Variants in DYM observed in about 807,000 individuals in gnomAD.
DYM encodes the protein dymeclin.
In DYM, 78 loss-of-function variants were observed where a neutral mutation model predicts 93.1. That is an observed-to-expected ratio of 0.84 (90% CI 0.70 to 1.01). The LOEUF is 1.01. Ranked by LOEUF, DYM falls within the 50% of genes least tolerant of loss-of-function variation. The pLI is 0.00. For missense variants in DYM, 789 were observed against 845.0 expected (o/e 0.93, Z 0.82); for synonymous variants, 321 against 319.7 (o/e 1.00, Z -0.04).
chr18:49,151,974 T>C (rs1266322326), intron 15 of DYM, among the ~76,000 whole-genome samples: 4 of 152,168 alleles, frequency 2.6e-5, no homozygotes, highest in African/African-American at 9.6e-5. Flanking sequence ...TTCACTAGAA[T>C]GGAAAGAGGG....
intron 17 of DYM, among the ~76,000 whole-genome samples, chr18:49,053,470 A>G (rs1280566312): frequency 6.6e-6 from 1 of 152,224 alleles, no homozygotes; most frequent in African/African-American, 2.4e-5. Flanking sequence ...CAGATTGAAA[A>G]AAAAAATTCA....
At chr18:49,075,612 G>A (rs934510075) in intron 17 of DYM, among the ~76,000 whole-genome samples, 4 of 152,176 alleles carry the variant, frequency 2.6e-5, no homozygotes, top group Non-Finnish European at 4.4e-5. Context: ...CCACTGGTAC[G>A]AGGAAAACTA....
intron 17 of DYM, among the ~76,000 whole-genome samples, chr18:49,077,102 A>G (rs2077370214): frequency 6.6e-6 from 1 of 152,154 alleles, no homozygotes; most frequent in Admixed American, 6.5e-5. Flanking sequence ...GACCAAACTG[A>G]CTGTTCCCCT....
intron 6 of DYM, among the ~76,000 whole-genome samples, chr18:49,340,575 A>G (rs779823336): frequency 2.0e-5 from 3 of 152,258 alleles, no homozygotes; most frequent in Non-Finnish European, 2.9e-5. Context: ...AGCTGATGAT[A>G]ATAGTGCTAA....
chr18:49,117,601 T>C (rs2082017363), intron 16 of DYM, among the ~76,000 whole-genome samples: 1 of 152,210 alleles, frequency 6.6e-6, no homozygotes, highest in South Asian at 2.1e-4. Context: ...TGGTTGTATG[T>C]TGCAAATATC....
intron 8 of DYM, among the ~76,000 whole-genome samples, chr18:49,320,580 T>A (rs1257158823): frequency 1.3e-5 from 2 of 152,144 alleles, no homozygotes; most frequent in African/African-American, 2.4e-5. Flanking sequence ...GTTCAAGTAA[T>A]CCTCTCATCT....
chr18:49,391,059 C>T (rs2069193996), intron 3 of DYM, among the ~76,000 whole-genome samples: 1 of 152,170 alleles, frequency 6.6e-6, no homozygotes, highest in African/African-American at 2.4e-5. Context: ...ACACATTGTA[C>T]TGAATATTTC....
At chr18:49,300,023 T>C (rs529545929) in intron 8 of DYM, among the ~76,000 whole-genome samples, 26 of 144,590 alleles carry the variant, frequency 1.8e-4, no homozygotes, top group Non-Finnish European at 3.0e-4. Context: ...AGCCTGGTGA[T>C]AGAGTGAGAC....
At chr18:49,375,780 A>G (rs941769049) in intron 5 of DYM, 1 of 152,192 alleles carries the variant, frequency 6.6e-6, no homozygotes, top group African/African-American at 2.4e-5. Flanking sequence ...TGGGAGAGGC[A>G]TACCCACCCT....
chr18:49,250,363 A>C (rs1006085398), intron 13 of DYM, among the ~76,000 whole-genome samples: 5 of 152,222 alleles, frequency 3.3e-5, no homozygotes, highest in African/African-American at 1.2e-4. Context: ...TAAGACTTGG[A>C]AGTTCTATCT....
chr18:49,438,088 C>T (rs376024883), intron 1 of DYM, among the ~76,000 whole-genome samples: 24 of 152,132 alleles, frequency 1.6e-4, no homozygotes, highest in African/African-American at 5.3e-4. Context: ...TCAGAAGGAT[C>T]GCTTGAGCCC....
intron 9 of DYM, among the ~76,000 whole-genome samples, chr18:49,284,615 C>G (rs1253156021): frequency 2.0e-5 from 3 of 152,128 alleles, no homozygotes; most frequent in Admixed American, 6.5e-5. Flanking sequence ...ATAGGCCAAG[C>G]TTTTGAAGCT....
At chr18:49,308,893 T>C (rs1396878324) in intron 8 of DYM, among the ~76,000 whole-genome samples, 1 of 152,032 alleles carries the variant, frequency 6.6e-6, no homozygotes, top group African/African-American at 2.4e-5. Flanking sequence ...AATGGCAAAA[T>C]ACTGAAAACC....
At chr18:49,269,307 A>G (rs2094631079) in intron 11 of DYM, among the ~76,000 whole-genome samples, 1 of 152,178 alleles carries the variant, frequency 6.6e-6, no homozygotes, top group African/African-American at 2.4e-5. Flanking sequence ...AAGACAAGAG[A>G]TAACAAGTAC....
intron 5 of DYM, among the ~76,000 whole-genome samples, chr18:49,375,262 A>AAT (rs1285280097): frequency 8.1e-4 from 122 of 150,922 alleles, no homozygotes; most frequent in African/African-American, 2.9e-3. Context: ...AGAAGAAAAA[A>AAT]ATATATATAT....
At chr18:49,202,916 C>T (rs80175908) in intron 14 of DYM, among the ~76,000 whole-genome samples, 48,205 of 131,034 alleles carry the variant, frequency 0.37, 10,633 homozygotes, top group Middle Eastern at 0.57. Flanking sequence ...GGGGGTCAGC[C>T]CCCCGCCTGG....
rs201600282 is a variant in DYM, at chr18:49,450,963, T to C, written c.-54+9435A>G. On this transcript the variant is annotated intron_variant, in intron 1 of 17. Coordinates refer to ENST00000675505, the MANE Select transcript of DYM (RefSeq NM_001353214.3). ...TTTAACAGCTTTGAAGATTGTAACA[T>C]TGGAAGAGAGAAAGAACGTACAGGA... is the stretch of plus-strand genomic sequence containing the variant. Among the ~76,000 whole-genome samples the C allele has an allele frequency of 7.9e-5, 12 of 152,326 alleles. No homozygotes were observed. The East Asian group carries it at 1.2e-3, about 15-fold the overall frequency.
intron 10 of DYM, among the ~76,000 whole-genome samples, chr18:49,273,956 G>C (rs936427486): frequency 1.3e-5 from 2 of 151,640 alleles, no homozygotes; most frequent in African/African-American, 4.8e-5. Flanking sequence ...GTAAGTAACG[G>C]GTCCAATGAG....
At chr18:49,200,822 A>C (rs574633185) in intron 14 of DYM, among the ~76,000 whole-genome samples, 2 of 152,290 alleles carry the variant, frequency 1.3e-5, no homozygotes, top group East Asian at 3.9e-4. Context: ...AATCAGGCAA[A>C]TTAACATATT....
Sources: gnomAD v4.1 joint callset for allele counts (sites outside exome capture counted in the v4.1 genomes callset) on GRCh38, gnomAD v4.1.1 for gene constraint, MANE v1.5 for transcripts, NCBI Gene and HGNC (gene_info 2026-07-23, HGNC 2026-07-21) for gene names.